The following GAB1 variants were observed in gnomAD, a reference collection of about 807,000 sequenced individuals.
GAB1 encodes GRB2 associated binding protein 1.
In GAB1, 19 loss-of-function variants were observed where a neutral mutation model predicts 66.5. The observed-to-expected ratio is 0.29, with a 90% CI of 0.20 to 0.42. The LOEUF (loss-of-function observed/expected upper bound fraction) is 0.42. GAB1 is among the 10% of genes least tolerant of loss of function. The pLI is 1.00. For synonymous variants in GAB1, 294 were observed against 301.4 expected, an observed-to-expected ratio of 0.98 and a Z score of 0.25; for missense variants, 732 against 858.5, an observed-to-expected ratio of 0.85 and a Z score of 1.84.
chr4:143,413,557 C>T (rs530475813), intron 1 of GAB1, among the ~76,000 whole-genome samples: 1 of 152,076 alleles, frequency 6.6e-6, no homozygotes, highest in Admixed American at 6.5e-5. Flanking sequence ...TGGTCATCCT[C>T]TTGTTAAAGG....
chr4:143,448,918 T>C (rs1734730031), intron 6 of GAB1, among the ~76,000 whole-genome samples: 1 of 151,946 alleles, frequency 6.6e-6, no homozygotes, highest in African/African-American at 2.4e-5. Context: ...CTTTCTCTTG[T>C]AGGCATTTAG....
chr4:143,387,602 C>G (rs1453135023), intron 1 of GAB1, among the ~76,000 whole-genome samples: 5 of 152,212 alleles, frequency 3.3e-5, no homozygotes, highest in African/African-American at 4.8e-5. Flanking sequence ...CAGCTCACTG[C>G]TCTGTCTTGC....
chr4:143,465,363 A>G (rs1462227122), intron 8 of GAB1, among the ~76,000 whole-genome samples: 1 of 152,162 alleles, frequency 6.6e-6, no homozygotes, highest in African/African-American at 2.4e-5. Flanking sequence ...TACTGTACAA[A>G]TCATCTGAAA....
Position 143,337,105 on chromosome 4 carries a change from T to A in GAB1, c.-84T>A. On this transcript the variant is annotated 5_prime_UTR_variant, in exon 1 of 10. Transcript: ENST00000262994. ...ACCAGGAGAGCTAGGTTCTCGCCACTGCGCGCTCGGCAGGCGTCGGCTGTG... is the reference window on the plus strand; with the variant it reads ...ACCAGGAGAGCTAGGTTCTCGCCACAGCGCGCTCGGCAGGCGTCGGCTGTG... 1.6e-6 allele frequency: 2 copies of A among 1,269,004 alleles called. No individual in the cohort carries two copies. Among genetic ancestry groups the A allele is most frequent in the Non-Finnish European group, 2.2e-6 (2 of 906,782 alleles). 78.6% of individuals were successfully genotyped at this position (1,269,004 alleles called of 1,614,324 possible). A position where few individuals can be genotyped will look rare whatever the true frequency, so the allele number is the denominator to read the frequency against.
At chr4:143,465,096 G>A (rs1735713320) in intron 8 of GAB1, among the ~76,000 whole-genome samples, 1 of 152,176 alleles carries the variant, frequency 6.6e-6, no homozygotes, top group South Asian at 2.1e-4. Context: ...GAGAAGCCAA[G>A]AACATTTCTA....
chr4:143,376,317 G>C (rs1328948552), intron 1 of GAB1, among the ~76,000 whole-genome samples: 1 of 152,166 alleles, frequency 6.6e-6, no homozygotes, highest in Admixed American at 6.5e-5. Context: ...GAAAGCATAA[G>C]CTTATAGAAA....
At chr4:143,390,869 G>A (rs71610442) in intron 1 of GAB1, among the ~76,000 whole-genome samples, 4,413 of 152,220 alleles carry the variant, frequency 0.029, 73 homozygotes, top group South Asian at 0.058. Flanking sequence ...AAGATAGGTC[G>A]CAGGTATGTC....
chr4:143,397,722 A>G (rs1389660532), intron 1 of GAB1, among the ~76,000 whole-genome samples: 1 of 152,226 alleles, frequency 6.6e-6, no homozygotes, highest in Non-Finnish European at 1.5e-5. Context: ...ATCCATATCC[A>G]AGTATAGAGA....
chr4:143,464,809 T>C (rs1735695454), intron 8 of GAB1, among the ~76,000 whole-genome samples: 1 of 152,170 alleles, frequency 6.6e-6, no homozygotes, highest in African/African-American at 2.4e-5. Context: ...AATGAGAGAA[T>C]AGTCTCAATA....
rs117303062 is a variant in GAB1 at position 143,418,129 on chromosome 4, C to T, written c.367+2358C>T. On this transcript the variant is annotated intron_variant, in intron 2 of 9. Coordinates refer to ENST00000262994, the MANE Select transcript of GAB1 (RefSeq NM_002039.4). ...CTTAATGAGGGCGTTCAGAATCTCA[C>T]GGGAACAGCAGTCTAAGAGGGAAGG... is the stretch of plus-strand genomic sequence containing the variant. Among the ~76,000 whole-genome samples, 363 of 152,286 alleles carry T rather than the reference C, an allele frequency of 2.4e-3. 4 individuals carry two copies. The highest frequency in any genetic ancestry group is 0.024 in the East Asian group (123 of 5,174).
intron 1 of GAB1, among the ~76,000 whole-genome samples, chr4:143,354,030 G>A (rs1729341273): frequency 6.6e-6 from 1 of 152,140 alleles, no homozygotes; most frequent in Non-Finnish European, 1.5e-5. Flanking sequence ...TTAGTTAGTA[G>A]ATCACTTTGC....
intron 1 of GAB1, among the ~76,000 whole-genome samples, chr4:143,410,518 C>G (rs34095331): frequency 0.34 from 52,112 of 152,010 alleles, 9,096 homozygotes; most frequent in South Asian, 0.48. Flanking sequence ...TATGTACATA[C>G]CCATACTCTA....
intron 1 of GAB1, among the ~76,000 whole-genome samples, chr4:143,380,396 A>G (rs2149675473): frequency 6.6e-6 from 1 of 152,272 alleles, no homozygotes; most frequent in South Asian, 2.1e-4. Flanking sequence ...GGACATATAT[A>G]ATGGTTCATT....
rs532318582 is a variant in GAB1, at chr4:143,405,236, G to T, written c.73-10241G>T. Among the ~76,000 whole-genome samples, 361 of 152,236 alleles carry T rather than the reference G, an allele frequency of 2.4e-3. 4 individuals carry two copies. The highest frequency in any genetic ancestry group is 8.4e-3 in the African/African-American group (347 of 41,530). On this transcript the variant is annotated intron_variant, in intron 1 of 9. Coordinates refer to ENST00000262994, the MANE Select transcript of GAB1 (RefSeq NM_002039.4). ...ACACAAATGTATGGATATATAGAGA[G>T]AGAGAGAGACTATGTAACTGTGTAT...
intron 1 of GAB1, among the ~76,000 whole-genome samples, chr4:143,379,565 C>T (rs781209687): frequency 1.3e-5 from 2 of 152,102 alleles, no homozygotes; most frequent in African/African-American, 2.4e-5. Flanking sequence ...TCCCTTCTCC[C>T]ACCACAGGGA....
rs79546216 is a variant in GAB1 at position 143,390,804 on chromosome 4, T to A, written c.73-24673T>A. On this transcript the variant is annotated intron_variant, in intron 1 of 9. Transcript: ENST00000262994. ...TTGCAGAAATTCAGGCACCCAGATT[T>A]CTTCCATCTTGTTGCTCCATGCTTC... is the stretch of plus-strand genomic sequence containing the variant. Among the ~76,000 whole-genome samples, 943 of 152,288 alleles carry A rather than the reference T, an allele frequency of 6.2e-3. 14 individuals carry two copies. The highest frequency in any genetic ancestry group is 0.022 in the African/African-American group (901 of 41,540).
chr4:143,366,857 C>A (rs1237640638), intron 1 of GAB1, among the ~76,000 whole-genome samples: 1 of 152,034 alleles, frequency 6.6e-6, no homozygotes, highest in East Asian at 1.9e-4. Context: ...GTCCTCAAGA[C>A]CCTCCATAAT....
chr4:143,441,277 T>G (rs938391038), intron 6 of GAB1, among the ~76,000 whole-genome samples: 1 of 152,216 alleles, frequency 6.6e-6, no homozygotes, highest in Admixed American at 6.5e-5. Flanking sequence ...TGGCTTAATC[T>G]TGACAACCAA....
chr4:143,429,422 T>C (rs1286206069), intron 2 of GAB1, among the ~76,000 whole-genome samples: 2 of 152,120 alleles, frequency 1.3e-5, no homozygotes, highest in Admixed American at 6.6e-5. Flanking sequence ...TAATTTAACA[T>C]AGGCCTTTTA....
Sources: allele counts gnomAD v4.1 joint callset (sites outside exome capture counted in the v4.1 genomes callset), GRCh38; gene constraint gnomAD v4.1.1; transcripts MANE v1.5; gene names NCBI Gene and HGNC (gene_info 2026-07-23, HGNC 2026-07-21).